Variants in GYPE observed in about 807,000 individuals in gnomAD.
GYPE encodes glycophorin-E.
GYPE carries 8 observed loss-of-function variants against 11.6 expected under a neutral mutation model. The ratio of observed to expected loss-of-function variants is 0.69; its 90% CI spans 0.41 to 1.25. GYPE has a LOEUF of 1.25. Ranked by LOEUF, GYPE falls within the 50% of genes most tolerant of loss-of-function variation. The pLI, the probability that GYPE is intolerant of heterozygous loss-of-function variation, is 0.01. For synonymous variants in GYPE, 28 were observed against 29.6 expected (o/e 0.94, Z 0.18); for missense variants, 90 against 92.8 (o/e 0.97, Z 0.12).
chr4:143,896,901 G>A (rs1015754221), intron 1 of GYPE, among the ~76,000 whole-genome samples: 16 of 151,676 alleles, frequency 1.1e-4, no homozygotes, highest in South Asian at 6.2e-4. Flanking sequence ...GCAAACTATC[G>A]CAAGGACAAA....
chr4:143,905,510 T>G lies in GYPE; in HGVS notation c.-3A>C. The G allele has an allele frequency of 3.1e-6, 5 of 1,612,884 alleles. No individual in the cohort carries two copies. The highest frequency in any genetic ancestry group is 2.5e-6 in the Non-Finnish European group (3 of 1,179,058). On this transcript the variant is annotated 5_prime_UTR_variant, in exon 1 of 4. Coordinates refer to ENST00000358615, the MANE Select transcript of GYPE (RefSeq NM_198682.3). ...ACAAAGATTATTTTTCCATACATCCTGAGATCACGAGCTGGCTCCTGAAGT... is the reference window on the plus strand; with the variant it reads ...ACAAAGATTATTTTTCCATACATCCGGAGATCACGAGCTGGCTCCTGAAGT...
chr4:143,890,454 T>A (rs1379285047), intron 1 of GYPE, among the ~76,000 whole-genome samples: 1 of 152,196 alleles, frequency 6.6e-6, no homozygotes, highest in Non-Finnish European at 1.5e-5. Flanking sequence ...AAAAACTTTA[T>A]CCCAAAGTTC....
In GYPE at chr4:143,892,693, G is replaced by C. The variant is rs909996494; in HGVS notation, c.38-12184C>G. 9.9e-5 allele frequency among the ~76,000 whole-genome samples: 15 copies of C among 151,294 alleles called. No individual in the cohort carries two copies. The South Asian group carries it at 3.1e-3, about 32-fold the overall frequency. ...TGAGAGACAGTTTGTTATAATTTCT[G>C]TTCTTTTACATTTGCTGAGGAGAGC... On this transcript the variant is annotated intron_variant, in intron 1 of 3. Coordinates refer to ENST00000358615, the MANE Select transcript of GYPE (RefSeq NM_198682.3).
At chr4:143,902,675 A>G (rs1744914961) in intron 1 of GYPE, among the ~76,000 whole-genome samples, 2 of 150,438 alleles carry the variant, frequency 1.3e-5, no homozygotes, top group Non-Finnish European at 3.0e-5. Flanking sequence ...TTCCTTGCTT[A>G]TTCAACCAAT....
intron 3 of GYPE, chr4:143,875,582 G>A: frequency 3.9e-6 from 6 of 1,548,902 alleles, no homozygotes; most frequent in Non-Finnish European, 4.4e-6. Flanking sequence ...TTCAGCCTCT[G>A]ATTGGTCACA....
intron 1 of GYPE, among the ~76,000 whole-genome samples, chr4:143,897,938 T>C (rs1262712080): frequency 6.6e-6 from 1 of 152,150 alleles, no homozygotes; most frequent in Non-Finnish European, 1.5e-5. Context: ...AAACATAGTA[T>C]ATATATCAAA....
At chr4:143,900,271 A>G (rs552027444) in intron 1 of GYPE, among the ~76,000 whole-genome samples, 3 of 126,276 alleles carry the variant, frequency 2.4e-5, no homozygotes, top group African/African-American at 8.5e-5. Flanking sequence ...TGAAATGGCT[A>G]TAATTAAAAA....
chr4:143,905,400 G>T (rs1190187597), intron 1 of GYPE, 71 bp downstream of exon 1: 4 of 1,606,868 alleles, frequency 2.5e-6, no homozygotes, highest in South Asian at 1.1e-5. Flanking sequence ...AACTAAAATA[G>T]GGTAGTTTAC....
chr4:143,904,149 C>T (rs889829495), intron 1 of GYPE, among the ~76,000 whole-genome samples: 2 of 151,880 alleles, frequency 1.3e-5, no homozygotes, highest in African/African-American at 4.8e-5. Flanking sequence ...TCTTTTCTCT[C>T]TGACTTTTCA....
chr4:143,880,262 G>A (rs2305068), intron 2 of GYPE, 149 bp downstream of exon 2: 220,390 of 1,284,720 alleles, frequency 0.17, 10,662 homozygotes, highest in South Asian at 0.24. Flanking sequence ...CTCTGTAGTA[G>A]GAATTGTGTC....
intron 1 of GYPE, among the ~76,000 whole-genome samples, chr4:143,883,300 T>A (rs1372042085): frequency 2.0e-5 from 3 of 151,800 alleles, no homozygotes; most frequent in Non-Finnish European, 2.9e-5. Context: ...TCCTGAGGCC[T>A]CCCCAGAAGC....
intron 1 of GYPE, among the ~76,000 whole-genome samples, chr4:143,900,253 A>G (rs1213064223): frequency 1.6e-5 from 2 of 127,478 alleles, no homozygotes; most frequent in South Asian, 3.1e-4. Context: ...AAACCATTTC[A>G]TACCCTCTGA....
At chr4:143,878,309 G>A (rs529365124) in intron 2 of GYPE, among the ~76,000 whole-genome samples, 1 of 152,028 alleles carries the variant, frequency 6.6e-6, no homozygotes, top group East Asian at 1.9e-4. Flanking sequence ...GTTAATTTTT[G>A]TATTTTTTGT....
intron 1 of GYPE, among the ~76,000 whole-genome samples, chr4:143,880,714 C>G (rs1449163510): frequency 6.6e-6 from 1 of 152,122 alleles, no homozygotes; most frequent in African/African-American, 2.4e-5. Context: ...GCCAGAAGCC[C>G]CTCCAGAATT....
chr4:143,886,422 T>G (rs1230994476), intron 1 of GYPE, among the ~76,000 whole-genome samples: 2 of 124,440 alleles, frequency 1.6e-5, no homozygotes, highest in African/African-American at 2.9e-5. Flanking sequence ...TTCCACAATA[T>G]GATCCCTTAA....
intron 1 of GYPE, among the ~76,000 whole-genome samples, chr4:143,898,615 T>A (rs1744750222): frequency 6.6e-6 from 1 of 152,092 alleles, no homozygotes; most frequent in African/African-American, 2.4e-5. Flanking sequence ...TGAGAAATTT[T>A]AAGTTTTCTC....
intron 1 of GYPE, among the ~76,000 whole-genome samples, chr4:143,882,493 A>G (rs1744078591): frequency 6.6e-6 from 1 of 152,206 alleles, no homozygotes; most frequent in Non-Finnish European, 1.5e-5. Flanking sequence ...ATACAACCTG[A>G]GTAAAATAGG....
intron 3 of GYPE, chr4:143,875,541 G>C: frequency 6.4e-7 from 1 of 1,550,808 alleles, no homozygotes; most frequent in East Asian, 2.4e-5. Context: ...TTCCACTTCA[G>C]CCTCTGCTTG....
intron 1 of GYPE, among the ~76,000 whole-genome samples, chr4:143,890,378 A>G (rs899575974): frequency 6.6e-6 from 1 of 152,220 alleles, no homozygotes; most frequent in Non-Finnish European, 1.5e-5. Flanking sequence ...CTGTAGCTGA[A>G]CTTCACACAC....
Sources: allele counts gnomAD v4.1 joint callset (sites outside exome capture counted in the v4.1 genomes callset), GRCh38; gene constraint gnomAD v4.1.1; transcripts MANE v1.5; gene names NCBI Gene and HGNC (gene_info 2026-07-23, HGNC 2026-07-21).